Variants in KLK14 observed in about 807,000 individuals in gnomAD.
The protein encoded by KLK14 is kallikrein-14.
A neutral mutation model predicts 24.6 loss-of-function variants in KLK14; 21 were observed. The observed-to-expected ratio is 0.85, with a 90% CI of 0.61 to 1.23. The LOEUF is 1.23. Ranked by LOEUF, KLK14 falls within the 50% of genes most tolerant of loss-of-function variation. The probability of loss-of-function intolerance (pLI) is 0.00; values close to 1 mark genes in which losing one functional copy is unlikely to be tolerated. For missense variants in KLK14, 320 were observed against 338.9 expected (o/e 0.94, Z 0.44); for synonymous variants, 133 against 139.7 (o/e 0.95, Z 0.34).
At chr19:51,083,895 G>T (rs1446105392), upstream of KLK14, among the ~76,000 whole-genome samples, 3 of 152,290 alleles carry the variant, frequency 2.0e-5, no homozygotes, top group East Asian at 5.8e-4. Context: ...GATGAAGGCA[G>T]TGCGGGCATG....
intron 2 of KLK14, among the ~76,000 whole-genome samples, chr19:51,082,199 G>T (rs191247571): frequency 6.7e-6 from 1 of 148,760 alleles, no homozygotes; most frequent in East Asian, 1.9e-4. Context: ...CCACGATCCC[G>T]CCATCCCATC....
chr19:51,082,642 A>T lies in KLK14; in HGVS notation c.-22-6T>A. On this transcript the variant is annotated splice_region_variant and splice_polypyrimidine_tract_variant and intron_variant, in intron 1 of 5. Coordinates refer to ENST00000650543, the MANE Select transcript of KLK14 (RefSeq NM_001369775.2). ...TAGGGGCTGAGGGCCAGGTCCTGTC[A>T]AATGCAGAGAAAAAGTGAGAGAGAA... The T allele has an allele frequency of 6.2e-7, 1 of 1,614,132 alleles. No individual in the cohort carries two copies. Among genetic ancestry groups the T allele is most frequent in the Non-Finnish European group, 8.5e-7 (1 of 1,180,012 alleles).
At chr19:51,081,823 G>T (rs895912221) in intron 2 of KLK14, 120 bp from the exon 3 acceptor site, 2 of 881,458 alleles carry the variant, frequency 2.3e-6, no homozygotes, top group Admixed American at 3.2e-5. Flanking sequence ...TAAACTGCCC[G>T]CCTCTATCTG....
chr19:51,081,681 A>G lies in KLK14; in HGVS notation c.63T>C (p.Asp21=). The part of the protein sequence containing the change: ...LAIAMTQSQE[D]ENKIIGGHTC... ...TATGGCCACCAATTATCTTGTTCTCATCCTCTTGGCTCTGTGTCATGGCTA... is the reference window on the plus strand; with the variant it reads ...TATGGCCACCAATTATCTTGTTCTCGTCCTCTTGGCTCTGTGTCATGGCTA... Residue 21 remains aspartate, a synonymous_variant, in exon 3 of 6, where the codon GAT becomes GAC. Coordinates refer to ENST00000650543, the MANE Select transcript of KLK14 (RefSeq NM_001369775.2). 6.5e-7 allele frequency: 1 copy of G among 1,546,060 alleles called. No homozygotes were observed. The highest frequency in any genetic ancestry group is 8.8e-7 in the Non-Finnish European group (1 of 1,141,590).
chr19:51,083,414 CAGAGAGAGAGCCAGA>C (rs2091853354), upstream of KLK14, among the ~76,000 whole-genome samples: 1 of 130,548 alleles, frequency 7.7e-6, no homozygotes, highest in South Asian at 2.5e-4. Flanking sequence ...GAGAGAGAGA[CAGAGAGAGAGCCAGA>C]CAGAGAGACA....
intron 3 of KLK14, among the ~76,000 whole-genome samples, chr19:51,080,430 T>C (rs768695642): frequency 1.3e-5 from 2 of 152,192 alleles, no homozygotes; most frequent in Admixed American, 6.5e-5. Context: ...TGGGTTCTAG[T>C]TGGAGCTCTA....
chr19:51,083,674 A>T (rs887199469), upstream of KLK14, among the ~76,000 whole-genome samples: 2 of 151,932 alleles, frequency 1.3e-5, no homozygotes, highest in African/African-American at 4.8e-5. Flanking sequence ...GTGGGAAAAA[A>T]ACAAGACAGA....
At position 51,082,590 on chromosome 19, in the gene KLK14, G is replaced by T; in HGVS notation, c.25C>A (p.Gln9Lys). The T allele has an allele frequency of 6.2e-7, 1 of 1,614,088 alleles. No individual in the cohort carries two copies. Among genetic ancestry groups the T allele is most frequent in the East Asian group, 2.2e-5 (1 of 44,876 alleles). Residue 9 changes from glutamine to lysine, a missense_variant, in exon 2 of 6, where the codon CAA (glutamine) becomes AAA (lysine). Gln to Lys is a moderately conservative substitution (Grantham distance 53, BLOSUM62 1). Transcript: ENST00000650543. Reference protein sequence around the residue: MFLLLTALQVLAIAMTQSQ... With the variant: MFLLLTALKVLAIAMTQSQ... ...GTTCTCTTACCTATAGCCAGGACTT[G>T]AAGTGCTGTCAGCAGGAGGAACATT...
At position 51,082,816 on chromosome 19, in the gene KLK14, G is replaced by T; in HGVS notation, c.-117C>A. On this transcript the variant is annotated 5_prime_UTR_variant, in exon 1 of 6. Coordinates refer to ENST00000650543, the MANE Select transcript of KLK14 (RefSeq NM_001369775.2). ...GGCCTGCAGGCTCTGCGGGCGGCAG[G>T]TGGGAGGATGTGGAGCAGGGCACAG... The T allele has an allele frequency of 6.4e-7, 1 of 1,551,974 alleles. No individual in the cohort carries two copies. The highest frequency in any genetic ancestry group is 8.8e-7 in the Non-Finnish European group (1 of 1,137,346).
rs2122744678 is a variant in KLK14, at chr19:51,078,254, C to A, written c.604-95G>T. On this transcript the variant is annotated intron_variant, in intron 5 of 5. Transcript: ENST00000650543. This position sits in a 1 kb window ranked among gnomAD's most constrained non-coding sequence, Gnocchi z 5.0. ...CGAGAAGCAGACACAGGGAGACAGG[C>A]AGAGACACTGGTGGACAGTTAGGGA... is the stretch of plus-strand genomic sequence containing the variant. The A allele has an allele frequency of 4.5e-6, 6 of 1,326,000 alleles. No individual in the cohort carries two copies. Among genetic ancestry groups the A allele is most frequent in the Non-Finnish European group, 6.2e-6 (6 of 961,296 alleles). The allele number at this position is 1,326,000 out of a possible 1,614,324, so 82.1% of individuals were successfully genotyped here. A position where few individuals can be genotyped will look rare whatever the true frequency, so the allele number is the denominator to read the frequency against.
Position 51,082,839 on chromosome 19 carries a change from C to G in KLK14, c.-140G>C, listed in dbSNP as rs532726778. On this transcript the variant is annotated 5_prime_UTR_variant, in exon 1 of 6. Transcript: ENST00000650543. Reference sequence around the variant, plus strand: ...AGGTGGGAGGATGTGGAGCAGGGCACAGGTCCCTCCTTGATGTCTTGATGA... The same window carrying G: ...AGGTGGGAGGATGTGGAGCAGGGCAGAGGTCCCTCCTTGATGTCTTGATGA... The G allele has an allele frequency of 8.6e-6, 12 of 1,393,728 alleles. No individual in the cohort carries two copies. Among genetic ancestry groups the G allele is most frequent in the Non-Finnish European group, 1.2e-5 (12 of 1,002,060 alleles). 86.3% of individuals were successfully genotyped at this position (1,393,728 alleles called of 1,614,324 possible).
At chr19:51,080,188 T>TC (rs2091831674) in intron 3 of KLK14, among the ~76,000 whole-genome samples, 1 of 151,950 alleles carries the variant, frequency 6.6e-6, no homozygotes, top group Non-Finnish European at 1.5e-5. Flanking sequence ...ATTTATTTTT[T>TC]TTTTGTGATG....
chr19:51,078,240 C>G lies in KLK14; in HGVS notation c.604-81G>C. The G allele has an allele frequency of 7.0e-7, 1 of 1,426,086 alleles. No individual in the cohort carries two copies. Among genetic ancestry groups the G allele is most frequent in the African/African-American group, 1.4e-5 (1 of 71,134 alleles). The allele number at this position is 1,426,086 out of a possible 1,614,324, so 88.3% of individuals were successfully genotyped here. A position where few individuals can be genotyped will look rare whatever the true frequency, so the allele number is the denominator to read the frequency against. On this transcript the variant is annotated intron_variant, in intron 5 of 5. Transcript: ENST00000650543. The surrounding 1 kb of genome is among the most constrained non-coding windows in gnomAD (Gnocchi z 5.0). ...TGGCACAGAGAACCCGAGAAGCAGA[C>G]ACAGGGAGACAGGCAGAGACACTGG...
intron 3 of KLK14, 108 bp downstream of exon 3, chr19:51,081,424 C>T: frequency 2.9e-6 from 3 of 1,047,976 alleles, no homozygotes; most frequent in Non-Finnish European, 3.8e-6. Context: ...AAACCAGGAG[C>T]CAGCCACTAC....
upstream of KLK14, among the ~76,000 whole-genome samples, chr19:51,083,425 CCAGA>C (rs368472792): frequency 8.1e-3 from 1,029 of 127,590 alleles, 15 homozygotes; most frequent in South Asian, 0.066. Context: ...AGAGAGAGAG[CCAGA>C]CAGAGAGACA....
chr19:51,079,997 C>G (rs750012342), intron 3 of KLK14, among the ~76,000 whole-genome samples: 1 of 152,148 alleles, frequency 6.6e-6, no homozygotes, highest in African/African-American at 2.4e-5. Context: ...GTGCTGGGCT[C>G]GGTGCATTGA....
chr19:51,079,438 G>T lies in KLK14; in HGVS notation c.466+11C>A. The T allele has an allele frequency of 6.2e-7, 1 of 1,603,214 alleles. No homozygotes were observed. On this transcript the variant is annotated intron_variant, in intron 4 of 5. Transcript: ENST00000650543. ...CCAGTCCCCTGCTTTCCAAGACGCA[G>T]GAGTCCTCACCGATGGGGCTGGATA...
Position 51,081,621 on chromosome 19 carries a change from G to A in KLK14, c.123C>T (p.Ala41=), listed in dbSNP as rs1160194946. Reference sequence around the variant, plus strand: ...AGCGGCGCCTGGGACCCGCCAGCAGGGCCGCCTGCCACGGCTGGGAGCTCC... The same window carrying A: ...AGCGGCGCCTGGGACCCGCCAGCAGAGCCGCCTGCCACGGCTGGGAGCTCC... ...CTRSSQPWQA[A]LLAGPRRRFL... The change falls in exon 3 of 6, where the codon GCC becomes GCT. Residue 41 remains alanine, a synonymous_variant. Coordinates refer to ENST00000650543, the MANE Select transcript of KLK14 (RefSeq NM_001369775.2). The A allele has an allele frequency of 1.3e-6, 2 of 1,551,688 alleles. No individual in the cohort carries two copies. The highest frequency in any genetic ancestry group is 1.4e-5 in the African/African-American group (1 of 73,172).
rs781222588 is a variant in KLK14 at position 51,079,663 on chromosome 19, C to G, written c.252G>C (p.Arg84Ser). 1 of 1,585,444 alleles carries G rather than the reference C, an allele frequency of 6.3e-7. No homozygotes were observed. The highest frequency in any genetic ancestry group is 8.6e-7 in the Non-Finnish European group (1 of 1,165,458). ...QVALGKHNLR[R>S]WEATQQVLRV... ...GCAGCACCTGCTGGGTGGCCTCCCACCTCCTCAGGTTGTGCTTGCCCAGGG... is the reference window on the plus strand; with the variant it reads ...GCAGCACCTGCTGGGTGGCCTCCCAGCTCCTCAGGTTGTGCTTGCCCAGGG... The change falls in exon 4 of 6, where the codon AGG becomes AGC. Residue 84 changes from arginine (R) to serine (S), a missense_variant. Coordinates refer to ENST00000650543, the MANE Select transcript of KLK14 (RefSeq NM_001369775.2).
Sources: gnomAD v4.1 joint callset for allele counts (sites outside exome capture counted in the v4.1 genomes callset) on GRCh38, gnomAD v4.1.1 for gene constraint, Gnocchi (gnomAD v3.1) non-coding constraint, MANE v1.5 for transcripts, NCBI Gene and HGNC (gene_info 2026-07-23, HGNC 2026-07-21) for gene names.